ENTREP2: variants seen among roughly 807,000 people sequenced by gnomAD.
The protein encoded by ENTREP2 is protein ENTREP2.
At chr15:29,369,626 C>T in the ENTREP2 span, among the ~76,000 whole-genome samples, 357 of 151,992 alleles carry the variant, frequency 2.3e-3, 3 homozygotes, top group African/African-American at 8.1e-3. Context: ...CCCAGGTGCA[C>T]GAGCGTGTGC....
chr15:29,336,039 G>A, the ENTREP2 span, among the ~76,000 whole-genome samples: 1 of 150,824 alleles, frequency 6.6e-6, no homozygotes, highest in Non-Finnish European at 1.5e-5. Flanking sequence ...CTGCTCAAGA[G>A]GCTGAGGCAG....
chr15:29,347,949 T>G, the ENTREP2 span, among the ~76,000 whole-genome samples: 1 of 152,170 alleles, frequency 6.6e-6, no homozygotes, highest in African/African-American at 2.4e-5. Flanking sequence ...TGTCATGGCA[T>G]TCTGGAGGGC....
the ENTREP2 span, chr15:29,124,868 G>GGA: frequency 2.0e-6 from 2 of 997,050 alleles, no homozygotes; most frequent in East Asian, 5.2e-5. Flanking sequence ...CGAGCAAGCA[G>GGA]GAGAAGCCTG....
At chr15:29,504,282 G>A in the ENTREP2 span, among the ~76,000 whole-genome samples, 1 of 152,174 alleles carries the variant, frequency 6.6e-6, no homozygotes, top group African/African-American at 2.4e-5. Flanking sequence ...ATTGGGATAT[G>A]TTCTCAGAAG....
the ENTREP2 span, among the ~76,000 whole-genome samples, chr15:29,394,927 G>A: frequency 4.3e-5 from 5 of 116,468 alleles, no homozygotes; most frequent in Admixed American, 2.5e-4. Flanking sequence ...TTGTTCTGTC[G>A]CCCACGCCGG....
At chr15:29,388,769 G>C in the ENTREP2 span, among the ~76,000 whole-genome samples, 1 of 152,098 alleles carries the variant, frequency 6.6e-6, no homozygotes, top group Non-Finnish European at 1.5e-5. Context: ...ATACAACATG[G>C]AATACTATGT....
chr15:29,518,699 T>C, the ENTREP2 span, among the ~76,000 whole-genome samples: 3 of 152,108 alleles, frequency 2.0e-5, no homozygotes, highest in Non-Finnish European at 4.4e-5. Flanking sequence ...ACAACAGCTA[T>C]AACCACAGGG....
the ENTREP2 span, among the ~76,000 whole-genome samples, chr15:29,522,045 A>G: frequency 5.9e-5 from 9 of 152,238 alleles, no homozygotes; most frequent in Non-Finnish European, 1.3e-4. Flanking sequence ...CTTTTCAACA[A>G]ATGGTGCTGG....
At chr15:29,359,789 C>G in the ENTREP2 span, among the ~76,000 whole-genome samples, 3 of 152,192 alleles carry the variant, frequency 2.0e-5, no homozygotes, top group South Asian at 4.1e-4. Flanking sequence ...TTGAGTCTTC[C>G]TTCCCTTACT....
At chr15:29,204,206 A>G in the ENTREP2 span, among the ~76,000 whole-genome samples, 1 of 152,154 alleles carries the variant, frequency 6.6e-6, no homozygotes, top group Non-Finnish European at 1.5e-5. Flanking sequence ...AAATGAGGCC[A>G]CAGTAATTTT....
At chr15:29,293,804 C>A in the ENTREP2 span, among the ~76,000 whole-genome samples, 1 of 152,226 alleles carries the variant, frequency 6.6e-6, no homozygotes, top group African/African-American at 2.4e-5. Flanking sequence ...CCCTCCACCC[C>A]CGCTCCACTG....
chr15:29,636,202 C>T, the ENTREP2 span, among the ~76,000 whole-genome samples: 1 of 152,188 alleles, frequency 6.6e-6, no homozygotes, highest in Non-Finnish European at 1.5e-5. Flanking sequence ...AATCTCGTCG[C>T]GTGTGGCCAT....
chr15:29,580,321 C>T, the ENTREP2 span, among the ~76,000 whole-genome samples: 2 of 152,090 alleles, frequency 1.3e-5, no homozygotes, highest in Non-Finnish European at 2.9e-5. Context: ...AGTAAAAACC[C>T]CAACTCCACT....
chr15:29,442,010 A>C, the ENTREP2 span, among the ~76,000 whole-genome samples: 7 of 151,778 alleles, frequency 4.6e-5, no homozygotes, highest in Non-Finnish European at 1.0e-4. Context: ...TTCTCTCTCC[A>C]TCCCTCCCTC....
the ENTREP2 span, among the ~76,000 whole-genome samples, chr15:29,588,436 C>T: frequency 2.0e-5 from 3 of 150,588 alleles, no homozygotes; most frequent in African/African-American, 7.3e-5. Flanking sequence ...CCACTGTATT[C>T]CAGCCTGGGC....
At chr15:29,331,363 T>C in the ENTREP2 span, among the ~76,000 whole-genome samples, 1 of 151,908 alleles carries the variant, frequency 6.6e-6, no homozygotes, top group African/African-American at 2.4e-5. Context: ...CCTCTCATAC[T>C]ACCCTGTCAT....
the ENTREP2 span, among the ~76,000 whole-genome samples, chr15:29,498,626 CT>C: frequency 6.6e-6 from 1 of 152,080 alleles, no homozygotes; most frequent in Non-Finnish European, 1.5e-5. Flanking sequence ...TACTCTGCTG[CT>C]GTTGAATAGA....
chr15:29,363,572 G>GA, the ENTREP2 span, among the ~76,000 whole-genome samples: 1 of 152,056 alleles, frequency 6.6e-6, no homozygotes, highest in African/African-American at 2.4e-5. Flanking sequence ...GATCAGCATA[G>GA]CAATGAAGAG....
At chr15:29,239,586 A>G in the ENTREP2 span, among the ~76,000 whole-genome samples, 4 of 152,208 alleles carry the variant, frequency 2.6e-5, no homozygotes, top group African/African-American at 9.6e-5. Context: ...TCACAGGCAC[A>G]GCTGGGATCA....
Sources: gnomAD v4.1 joint callset for allele counts (sites outside exome capture counted in the v4.1 genomes callset) on GRCh38, gnomAD v4.1.1 for gene constraint, MANE v1.5 for transcripts, NCBI Gene and HGNC (gene_info 2026-07-23, HGNC 2026-07-21) for gene names.